Variants in UBXN4 observed in about 807,000 individuals in gnomAD.
UBXN4 encodes UBX domain protein 4.
In UBXN4, 35 loss-of-function variants were observed where a neutral mutation model predicts 66.2. That is an observed-to-expected ratio of 0.53 (90% CI 0.40 to 0.70). The LOEUF is 0.70. Ranked by LOEUF, UBXN4 falls within the 30% of genes least tolerant of loss-of-function variation. The probability of loss-of-function intolerance (pLI) is 0.00; values close to 1 mark genes in which losing one functional copy is unlikely to be tolerated. For synonymous variants in UBXN4, 203 were observed against 204.5 expected, an observed-to-expected ratio of 0.99 and a Z score of 0.06; for missense variants, 533 against 599.8, an observed-to-expected ratio of 0.89 and a Z score of 1.16.
rs534480327 is a variant in UBXN4 at position 135,752,878 on chromosome 2, G to A, written c.186-661G>A. Reference sequence around the variant, plus strand: ...CGGGATTACAGGTGTGTGCCACCACGCCGAGCTAATTTTTGCATTTTTAGT... The same window carrying A: ...CGGGATTACAGGTGTGTGCCACCACACCGAGCTAATTTTTGCATTTTTAGT... On this transcript the variant is annotated intron_variant, in intron 2 of 12. Transcript: ENST00000272638. Among the ~76,000 whole-genome samples, 194 of 151,908 alleles carry A rather than the reference G, an allele frequency of 1.3e-3. 1 individual carries two copies. The highest frequency in any genetic ancestry group is 4.3e-3 in the African/African-American group (180 of 41,396).
Position 135,776,308 on chromosome 2 carries a change from C to G in UBXN4, c.1010C>G (p.Pro337Arg). 2 of 1,614,042 alleles carry G rather than the reference C, an allele frequency of 1.2e-6. No homozygotes were observed. The highest frequency in any genetic ancestry group is 1.7e-6 in the Non-Finnish European group (2 of 1,179,966). ...PDGSSFTNQF[P>R]SDAPLEEARQ... The stretch of plus-strand genomic sequence containing the variant: ...GGTTCTTCCTTTACAAATCAGTTCC[C>G]TTCTGATGCTCCTCTAGAAGAGGCA... The change falls in exon 10 of 13, where the codon CCT becomes CGT. Residue 337 changes from proline (P) to arginine (R), a missense_variant. This residue lies in a region of UBXN4 where 529 missense variants were observed against 580.1 expected (regional missense o/e 0.91). Coordinates refer to ENST00000272638, the MANE Select transcript of UBXN4 (RefSeq NM_014607.4).
At chr2:135,747,650 C>CT (rs1396320972) in intron 1 of UBXN4, 1 of 456,298 alleles carries the variant, frequency 2.2e-6, no homozygotes, top group Non-Finnish European at 4.4e-6. Flanking sequence ...ATTTTTCTCT[C>CT]TCTCTAGACG....
At chr2:135,757,183 A>AT (rs200295528) in intron 5 of UBXN4, among the ~76,000 whole-genome samples, 232 of 151,980 alleles carry the variant, frequency 1.5e-3, no homozygotes, top group African/African-American at 5.4e-3. Flanking sequence ...CCACAGGTTT[A>AT]TTTTTTCACA....
intron 5 of UBXN4, among the ~76,000 whole-genome samples, chr2:135,758,202 G>A (rs1277973816): frequency 6.6e-6 from 1 of 151,976 alleles, no homozygotes; most frequent in Non-Finnish European, 1.5e-5. Flanking sequence ...AGCCTGCTGA[G>A]TAGCTGGGAT....
chr2:135,758,231 T>C (rs111339455), intron 5 of UBXN4, among the ~76,000 whole-genome samples: 10,000 of 152,028 alleles, frequency 0.066, 605 homozygotes, highest in African/African-American at 0.15. Context: ...TGCGCCACCA[T>C]GCCTGGCTAA....
Position 135,769,150 on chromosome 2 carries a change from C to T in UBXN4, c.603-619C>T, listed in dbSNP as rs574454705. ...TAAAGTAGCTGGAACTACAGGCACA[C>T]GCCACCATGCCTGGCTAATTTTTGT... On this transcript the variant is annotated intron_variant, in intron 6 of 12. Transcript: ENST00000272638. 1.8e-4 allele frequency among the ~76,000 whole-genome samples: 28 copies of T among 152,204 alleles called. No individual in the cohort carries two copies. The East Asian group carries it at 4.1e-3, about 22-fold the overall frequency.
chr2:135,766,490 C>G (rs1341854563), intron 6 of UBXN4, among the ~76,000 whole-genome samples: 1 of 152,132 alleles, frequency 6.6e-6, no homozygotes, highest in Non-Finnish European at 1.5e-5. Context: ...AAGGATTGTT[C>G]ATTGCATTTA....
Position 135,784,466 on chromosome 2 carries a change from T to C in UBXN4, c.*1579T>C, listed in dbSNP as rs943318159. 6 of 152,206 alleles carry C rather than the reference T, an allele frequency of 3.9e-5. No homozygotes were observed. The highest frequency in any genetic ancestry group is 1.3e-4 in the Admixed American group (2 of 15,272). The allele number at this position is 152,206 out of a possible 1,614,324, so 9.4% of individuals were successfully genotyped here. A position where few individuals can be genotyped will look rare whatever the true frequency, so the allele number is the denominator to read the frequency against. On this transcript the variant is annotated 3_prime_UTR_variant, in exon 13 of 13. Transcript: ENST00000272638. ...AGATAGTACTAGGTATTAATAGATA[T>C]GTAAAGAAAGAAATCACACCATTAA...
intron 6 of UBXN4, among the ~76,000 whole-genome samples, chr2:135,764,199 A>G (rs979459246): frequency 6.6e-6 from 1 of 152,214 alleles, no homozygotes; most frequent in Admixed American, 6.5e-5. Flanking sequence ...CTTTCCTCTC[A>G]GGCTACAGTT....
At chr2:135,769,906 A>G in intron 7 of UBXN4, 83 bp downstream of exon 7, 2 of 1,224,086 alleles carry the variant, frequency 1.6e-6, no homozygotes, top group South Asian at 1.7e-5. Flanking sequence ...TGGCAGGCCT[A>G]GGGTGACTTC....
At chr2:135,754,009 AT>A (rs1275691107) in intron 3 of UBXN4, 149 bp from the exon 4 acceptor site, 1 of 614,444 alleles carries the variant, frequency 1.6e-6, no homozygotes, top group African/African-American at 1.9e-5. Context: ...TACTACAGGT[AT>A]AATGATGCAG....
chr2:135,770,489 A>G (rs148946060), intron 7 of UBXN4, 82 bp from the exon 8 acceptor site: 176 of 919,548 alleles, frequency 1.9e-4, no homozygotes, highest in Middle Eastern at 1.8e-3. Flanking sequence ...TATTCTTTTA[A>G]CTGCAGTTTT....
At chr2:135,767,222 G>A (rs1201620946) in intron 6 of UBXN4, among the ~76,000 whole-genome samples, 5 of 152,272 alleles carry the variant, frequency 3.3e-5, no homozygotes, top group Middle Eastern at 6.8e-3. Flanking sequence ...TTAGCTGGGC[G>A]TGGGGGTGTG....
Position 135,770,608 on chromosome 2 carries a change from G to A in UBXN4, c.695G>A (p.Gly232Glu). 1 of 1,537,006 alleles carries A rather than the reference G, an allele frequency of 6.5e-7. No homozygotes were observed. The highest frequency in any genetic ancestry group is 8.7e-7 in the Non-Finnish European group (1 of 1,148,588). Residue 232 changes from glycine (G) to glutamate (E), a missense_variant, in exon 8 of 13, where the codon GGA becomes GAA. Coordinates refer to ENST00000272638, the MANE Select transcript of UBXN4 (RefSeq NM_014607.4). ...AAGGAAATTGAGAGGAGAAAAACTGGAAAAGAAATGTTGGATTATAAAAGA... is the reference window on the plus strand; with the variant it reads ...AAGGAAATTGAGAGGAGAAAAACTGAAAAAGAAATGTTGGATTATAAAAGA... ...IKKEIERRKT[G>E]KEMLDYKRKQ...
chr2:135,778,303 T>G (rs2077430448), intron 10 of UBXN4, among the ~76,000 whole-genome samples: 2 of 147,234 alleles, frequency 1.4e-5, no homozygotes, highest in Non-Finnish European at 3.0e-5. Flanking sequence ...AAAAAAAAAA[T>G]ACGAAAAACA....
intron 12 of UBXN4, among the ~76,000 whole-genome samples, chr2:135,781,069 A>G (rs1328760276): frequency 6.6e-6 from 1 of 152,194 alleles, no homozygotes; most frequent in Admixed American, 6.5e-5. Flanking sequence ...TACAAAAACA[A>G]TTTAAAAATT....
rs1217990525 is a variant in UBXN4, at chr2:135,784,934, AC to A, written c.*2051del. 6.6e-6 allele frequency: 1 copy of A among 152,474 alleles called. No individual in the cohort carries two copies. Among genetic ancestry groups the A allele is most frequent in the Admixed American group, 6.6e-5 (1 of 15,256 alleles). The allele number at this position is 152,474 out of a possible 1,614,324, so 9.4% of individuals were successfully genotyped here. A position where few individuals can be genotyped will look rare whatever the true frequency, so the allele number is the denominator to read the frequency against. On this transcript the variant is annotated 3_prime_UTR_variant, in exon 13 of 13. Transcript: ENST00000272638. ...TGAGAATTCTGCCCCCTCACCTCTT[AC>A]CCCAGTACTATTCTCCAGAGGTAAT... is the stretch of plus-strand genomic sequence containing the variant.
chr2:135,761,697 G>A (rs924180358), intron 5 of UBXN4, 121 bp from the exon 6 acceptor site: 1 of 817,022 alleles, frequency 1.2e-6, no homozygotes, highest in Non-Finnish European at 1.8e-6. Context: ...TCCATTTTTA[G>A]GGAAAATATA....
intron 1 of UBXN4, among the ~76,000 whole-genome samples, chr2:135,745,636 C>A (rs2077202698): frequency 6.6e-6 from 1 of 152,106 alleles, no homozygotes; most frequent in South Asian, 2.1e-4. Flanking sequence ...TCTTCACAGC[C>A]TTCTCTGAGA....
Sources: gnomAD v4.1 joint callset for allele counts (sites outside exome capture counted in the v4.1 genomes callset) on GRCh38, gnomAD v4.1.1 for gene constraint, gnomAD v4.1.1 regional missense constraint, MANE v1.5 for transcripts, NCBI Gene and HGNC (gene_info 2026-07-23, HGNC 2026-07-21) for gene names.